Variants in PLK4 observed in about 807,000 individuals in gnomAD.
The protein encoded by PLK4 is serine/threonine-protein kinase PLK4.
A neutral mutation model predicts 103.0 loss-of-function variants in PLK4; 51 were observed. That is an observed-to-expected ratio of 0.50 (90% CI 0.40 to 0.63). PLK4 has a LOEUF of 0.63. Among genes scored for constraint, PLK4 ranks in the 20% least tolerant of loss-of-function variants. The probability of loss-of-function intolerance (pLI) is 0.00; values close to 1 mark genes in which losing one functional copy is unlikely to be tolerated. For missense variants in PLK4, 1,054 were observed against 1,151.0 expected (o/e 0.92, Z 1.22); for synonymous variants, 389 against 376.8 (o/e 1.03, Z -0.38).
chr4:127,897,673 G>A (rs1735618884), intron 15 of PLK4, among the ~76,000 whole-genome samples: 1 of 152,124 alleles, frequency 6.6e-6, no homozygotes, highest in African/African-American at 2.4e-5. Context: ...GCTCCAGAAA[G>A]TGGAAGGATG....
At chr4:127,896,944 T>C (rs780673607) in intron 15 of PLK4, 37 bp downstream of exon 15, 10 of 1,064,682 alleles carry the variant, frequency 9.4e-6, no homozygotes, top group Admixed American at 5.6e-5. Flanking sequence ...TTCAGCCCTT[T>C]GCTATAATTT....
In PLK4 at chr4:127,893,593, A is replaced by C. The variant is rs1357558896; in HGVS notation, c.2403A>C (p.Ile801=). Residue 801 remains isoleucine (I), a synonymous_variant, in exon 12 of 16, where the codon ATA becomes ATC. Transcript: ENST00000270861. ...RKTRSAPFFP[I]IIGRKPGSTS... Reference sequence around the variant, plus strand: ...CTAGGAGTGCTCCCTTTTTCCCAATAATCATAGGAAGGTAAATGTCTGAAA... The same window carrying C: ...CTAGGAGTGCTCCCTTTTTCCCAATCATCATAGGAAGGTAAATGTCTGAAA... 1 of 1,609,844 alleles carries C rather than the reference A, an allele frequency of 6.2e-7. No homozygotes were observed. The highest frequency in any genetic ancestry group is 1.7e-5 in the Admixed American group (1 of 59,572).
intron 14 of PLK4, among the ~76,000 whole-genome samples, chr4:127,896,368 T>C (rs1423018602): frequency 6.6e-6 from 1 of 152,160 alleles, no homozygotes; most frequent in African/African-American, 2.4e-5. Context: ...AAATGTAATA[T>C]TCTCAGGCCA....
intron 14 of PLK4, among the ~76,000 whole-genome samples, chr4:127,896,431 A>G (rs1040804698): frequency 2.0e-5 from 3 of 152,290 alleles, no homozygotes; most frequent in Middle Eastern, 3.4e-3. Flanking sequence ...TTTATTCCCT[A>G]AATCTCTTCT....
At position 127,885,820 on chromosome 4, in the gene PLK4, C is replaced by T. The variant is rs763477232; in HGVS notation, c.450C>T (p.Ile150=). The change falls in exon 5 of 16, where the codon ATC becomes ATT. Residue 150 remains isoleucine, a synonymous_variant. Transcript: ENST00000270861. The part of the protein sequence containing the change: ...SNLLLTRNMN[I]KIADFGLATQ... The stretch of plus-strand genomic sequence containing the variant: ...TCCTACTGACTCGTAATATGAACAT[C>T]AAGATTGCTGATTTTGGGCTGGCAA... 6.2e-7 allele frequency: 1 copy of T among 1,614,062 alleles called. No individual in the cohort carries two copies. Among genetic ancestry groups the T allele is most frequent in the Non-Finnish European group, 8.5e-7 (1 of 1,179,958 alleles).
Position 127,896,886 on chromosome 4 carries a change from C to T in PLK4, c.2789C>T (p.Ser930Leu). 6.2e-7 allele frequency: 1 copy of T among 1,602,676 alleles called. No homozygotes were observed. The highest frequency in any genetic ancestry group is 2.2e-5 in the East Asian group (1 of 44,728). ...GGAGTGTCTTCTATCAGTTATACCT[C>T]ACCAAATGGTCAAACAACTAGGTAA... ...QAGVSSISYT[S>L]PNGQTTRYGE... The change falls in exon 15 of 16, where the codon TCA becomes TTA. Residue 930 changes from serine to leucine, a missense_variant. Ser to Leu is a moderately radical substitution (Grantham distance 145, BLOSUM62 -2). Transcript: ENST00000270861.
At position 127,889,866 on chromosome 4, in the gene PLK4, C is replaced by T. The variant is rs1735280698; in HGVS notation, c.1460C>T (p.Ala487Val). 1 of 1,578,554 alleles carries T rather than the reference C, an allele frequency of 6.3e-7. No individual in the cohort carries two copies. The change falls in exon 7 of 16, where the codon GCT becomes GTT. Residue 487 changes from alanine (A) to valine (V), a missense_variant and splice_region_variant. Physicochemically the swap from Ala to Val is moderately conservative, Grantham distance 64. Around this residue, in one of 4 missense-constraint regions of PLK4, gnomAD observed 680 missense variants for 660.3 expected, o/e 1.03. Coordinates refer to ENST00000270861, the MANE Select transcript of PLK4 (RefSeq NM_014264.5). ...QQWFGNLQIN[A>V]HLRKTTEYDS... The stretch of plus-strand genomic sequence containing the variant: ...TTGCTTCATTCTATGTATATTGTAG[C>T]TCATTTAAGAAAAACTACTGAATAT...
chr4:127,881,465 C>T (rs1199239796), intron 1 of PLK4: 11 of 1,145,622 alleles, frequency 9.6e-6, no homozygotes, highest in Non-Finnish European at 1.2e-6. Context: ...GCAGGGCTAC[C>T]TCCCACTTCT....
At position 127,885,940 on chromosome 4, in the gene PLK4, T is replaced by G; in HGVS notation, c.570T>G (p.Leu190=). 6.2e-7 allele frequency: 1 copy of G among 1,614,180 alleles called. No homozygotes were observed. Among genetic ancestry groups the G allele is most frequent in the Non-Finnish European group, 8.5e-7 (1 of 1,180,012 alleles). The change falls in exon 5 of 16, where the codon CTT becomes CTG. Residue 190 remains leucine (L), a synonymous_variant. Transcript: ENST00000270861. ...TTGCCACTCGAAGTGCACATGGCCT[T>G]GAATCTGATGTTTGGTCCCTGGGCT... ...PEIATRSAHG[L]ESDVWSLGCM... is the part of the protein sequence containing the mutation.
At position 127,898,493 on chromosome 4, in the gene PLK4, G is replaced by T; in HGVS notation, c.2865G>T (p.Leu955=). 6.3e-7 allele frequency: 1 copy of T among 1,589,912 alleles called. No homozygotes were observed. The highest frequency in any genetic ancestry group is 8.6e-7 in the Non-Finnish European group (1 of 1,160,304). The change falls in exon 16 of 16, where the codon CTG becomes CTT. Residue 955 remains leucine (L), a synonymous_variant. Transcript: ENST00000270861. Reference sequence around the variant, plus strand: ...ACATCAAACAGAAATTACAGTGTCTGTCTTCCATCCTTTTGATGTTTTCTA... The same window carrying T: ...ACATCAAACAGAAATTACAGTGTCTTTCTTCCATCCTTTTGATGTTTTCTA... The part of the protein sequence containing the change: ...PDYIKQKLQC[L]SSILLMFSNP...
Position 127,883,535 on chromosome 4 carries a change from C to A in PLK4, c.319C>A (p.Pro107Thr), listed in dbSNP as rs1207830799. The change falls in exon 4 of 16, where the codon CCC (proline) becomes ACC (threonine). Residue 107 changes from proline to threonine, a missense_variant. By Grantham distance (38) the Pro-to-Thr change is conservative. This residue lies in a region of PLK4 where 199 missense variants were observed against 270.1 expected (regional missense o/e 0.74). Transcript: ENST00000270861. ...CAGGTATCTAAAGAATAGAGTGAAACCCTTCTCAGAAAATGAAGGTAGGTG... is the reference window on the plus strand; with the variant it reads ...CAGGTATCTAAAGAATAGAGTGAAAACCTTCTCAGAAAATGAAGGTAGGTG... ...MNRYLKNRVK[P>T]FSENEARHFM... The A allele has an allele frequency of 1.3e-6, 2 of 1,491,808 alleles. No homozygotes were observed. The highest frequency in any genetic ancestry group is 1.9e-6 in the Non-Finnish European group (2 of 1,075,736). 92.4% of individuals were successfully genotyped at this position (1,491,808 alleles called of 1,614,324 possible).
intron 9 of PLK4, 161 bp from the exon 10 acceptor site, chr4:127,892,204 A>G (rs955850400): frequency 1.1e-5 from 5 of 472,486 alleles, no homozygotes; most frequent in South Asian, 3.6e-5. Flanking sequence ...ATTATGGACT[A>G]TGGACATAAG....
In PLK4 at chr4:127,891,160, G is replaced by C; in HGVS notation, c.1899G>C (p.Val633=). The C allele has an allele frequency of 6.3e-7, 1 of 1,588,980 alleles. No homozygotes were observed. Among genetic ancestry groups the C allele is most frequent in the Middle Eastern group, 1.7e-4 (1 of 5,994 alleles). ...LVKEYASQEY[V]KEVLQISSDG... ...AGGAGTATGCATCTCAAGAATATGT[G>C]AAAGAAGTTCTTCAGATATCTAGTG... Residue 633 remains valine, a synonymous_variant, in exon 8 of 16, where the codon GTG becomes GTC. Coordinates refer to ENST00000270861, the MANE Select transcript of PLK4 (RefSeq NM_014264.5).
intron 4 of PLK4, among the ~76,000 whole-genome samples, 153 bp from the exon 5 acceptor site, chr4:127,885,555 A>G (rs1735089930): frequency 6.6e-6 from 1 of 151,734 alleles, no homozygotes; most frequent in East Asian, 1.9e-4. Context: ...AATTGCTGGT[A>G]ATTGAAGTGG....
intron 1 of PLK4, 55 bp from the exon 2 acceptor site, chr4:127,881,776 C>A: frequency 2.9e-6 from 3 of 1,045,234 alleles, no homozygotes; most frequent in South Asian, 2.6e-5. Context: ...AGCCCCTTCC[C>A]ATCTTCCTTT....
At position 127,883,547 on chromosome 4, in the gene PLK4, A is replaced by C. The variant is rs1450530505; in HGVS notation, c.331A>C (p.Asn111His). The C allele has an allele frequency of 7.1e-7, 1 of 1,418,424 alleles. No homozygotes were observed. Among genetic ancestry groups the C allele is most frequent in the Non-Finnish European group, 9.9e-7 (1 of 1,011,026 alleles). The allele number at this position is 1,418,424 out of a possible 1,614,324, so 87.9% of individuals were successfully genotyped here. ...GAATAGAGTGAAACCCTTCTCAGAA[A>C]ATGAAGGTAGGTGTGTGGTTTTTTT... ...LKNRVKPFSE[N>H]EARHFMHQII... is the part of the protein sequence containing the mutation. The change falls in exon 4 of 16, where the codon AAT (asparagine) becomes CAT (histidine). Residue 111 changes from asparagine to histidine, a missense_variant. Around this residue, in one of 4 missense-constraint regions of PLK4, gnomAD observed 199 missense variants for 270.1 expected, o/e 0.74. Transcript: ENST00000270861.
intron 14 of PLK4, among the ~76,000 whole-genome samples, chr4:127,896,396 G>A (rs1418618961): frequency 3.3e-5 from 5 of 152,122 alleles, no homozygotes; most frequent in Admixed American, 3.3e-4. Context: ...AATTCTTGTG[G>A]CTTAAGGACA....
Position 127,891,609 on chromosome 4 carries a change from G to T in PLK4, c.1966G>T (p.Gly656Cys). 6.4e-7 allele frequency: 1 copy of T among 1,552,316 alleles called. No homozygotes were observed. Among genetic ancestry groups the T allele is most frequent in the Non-Finnish European group, 8.8e-7 (1 of 1,142,702 alleles). ...ITIYYPNGGR[G>C]FPLADRPPSP... ...TATTTATTATCCAAATGGTGGTAGA[G>T]GTTTTCCTCTTGCTGATAGACCACC... Residue 656 changes from glycine to cysteine, a missense_variant, in exon 9 of 16, where the codon GGT becomes TGT. By Grantham distance (159) the Gly-to-Cys change is radical. Coordinates refer to ENST00000270861, the MANE Select transcript of PLK4 (RefSeq NM_014264.5).
In PLK4 at chr4:127,894,791, T is replaced by C. The variant is rs371454214; in HGVS notation, c.2563-162T>C. On this transcript the variant is annotated intron_variant, in intron 13 of 15. Coordinates refer to ENST00000270861, the MANE Select transcript of PLK4 (RefSeq NM_014264.5). ...TGCAGGAGGGTGGGGGGTTCTTTTC[T>C]GTATTTTTCTAATTTCCAATAATGT... 1.3e-3 allele frequency among the ~76,000 whole-genome samples: 197 copies of C among 152,328 alleles called. 6 individuals are homozygous for C. In the South Asian group the frequency reaches 0.04, roughly 31 times the overall value.
Sources: allele counts gnomAD v4.1 joint callset (sites outside exome capture counted in the v4.1 genomes callset), GRCh38; gene constraint gnomAD v4.1.1; regional missense constraint gnomAD v4.1.1; transcripts MANE v1.5; gene names NCBI Gene and HGNC (gene_info 2026-07-23, HGNC 2026-07-21).